Variants in TJP1 observed in about 807,000 individuals in gnomAD.
The protein encoded by TJP1 is tight junction protein 1.
A neutral mutation model predicts 194.2 loss-of-function variants in TJP1; 43 were observed. The ratio of observed to expected loss-of-function variants is 0.22; its 90% confidence interval spans 0.17 to 0.29. The LOEUF (loss-of-function observed/expected upper bound fraction) is 0.29, where lower values mean the gene tolerates loss of function less well. Among genes scored for constraint, TJP1 ranks in the 10% least tolerant of loss-of-function variants. The pLI is 1.00. For synonymous variants in TJP1, 801 were observed against 779.0 expected (o/e 1.03, Z -0.47); for missense variants, 1,971 against 2,185.7 (o/e 0.90, Z 1.96).
upstream of TJP1, among the ~76,000 whole-genome samples, chr15:29,827,423 G>A (rs966104227): frequency 6.6e-6 from 1 of 152,122 alleles, no homozygotes; most frequent in Non-Finnish European, 1.5e-5. Context: ...ATCCTCTAGG[G>A]CCCCAGGGCC....
chr15:29,833,877 ATATATTTT>A (rs1379832737), intron 2 of TJP1, among the ~76,000 whole-genome samples: 260 of 14,398 alleles, frequency 0.018, 4 homozygotes, highest in African/African-American at 0.055. Flanking sequence ...ATATATATAT[ATATATTTT>A]TTTTTTTTTT....
intron 2 of TJP1, among the ~76,000 whole-genome samples, chr15:29,913,189 CAA>C (rs540091792): frequency 2.9e-5 from 4 of 140,020 alleles, no homozygotes; most frequent in African/African-American, 7.8e-5. Context: ...AGGGGGATCA[CAA>C]AAAAAAAAGG....
chr15:29,962,546 C>G (rs72721180), intron 1 of TJP1, among the ~76,000 whole-genome samples: 30,376 of 152,180 alleles, frequency 0.2, 3,439 homozygotes, highest in East Asian at 0.39. Flanking sequence ...ACAGCCAACT[C>G]AAGAGAAGGC....
chr15:29,832,116 T>C (rs1400494050), intron 2 of TJP1, among the ~76,000 whole-genome samples: 1 of 152,160 alleles, frequency 6.6e-6, no homozygotes, highest in Non-Finnish European at 1.5e-5. Context: ...TGGAGTCTTT[T>C]CTTCCATCCC....
In TJP1 at chr15:29,766,351, G is replaced by C. The variant is rs1467182012; in HGVS notation, c.504C>G (p.Ser168=). 2 of 1,614,048 alleles carry C rather than the reference G, an allele frequency of 1.2e-6. No homozygotes were observed. The highest frequency in any genetic ancestry group is 2.7e-5 in the African/African-American group (2 of 74,922). ...DRSASRERSL[S]PRSDRRSVAS... is the part of the protein sequence containing the mutation. Reference sequence around the variant, plus strand: ...CCACTGACCGCCTGTCTGACCGCGGGGACAAGCTCCTCTCTCTACTTGCAC... The same window carrying C: ...CCACTGACCGCCTGTCTGACCGCGGCGACAAGCTCCTCTCTCTACTTGCAC... Residue 168 remains serine (S), a synonymous_variant, in exon 5 of 28, where the codon TCC becomes TCG. Coordinates refer to ENST00000614355, the MANE Select transcript of TJP1 (RefSeq NM_001330239.4).
At chr15:29,760,629 G>C (rs553182401) in intron 8 of TJP1, among the ~76,000 whole-genome samples, 1 of 151,980 alleles carries the variant, frequency 6.6e-6, no homozygotes, top group Non-Finnish European at 1.5e-5. Context: ...CGCCTGCCTC[G>C]GCCTCCCAAA....
At chr15:29,930,631 A>G (rs529997308) in intron 2 of TJP1, among the ~76,000 whole-genome samples, 59 of 85,288 alleles carry the variant, frequency 6.9e-4, no homozygotes, top group African/African-American at 3.0e-3. Flanking sequence ...ATACTTACTG[A>G]TGAGACATTA....
intron 8 of TJP1, among the ~76,000 whole-genome samples, chr15:29,746,309 C>A (rs975704505): frequency 6.6e-6 from 1 of 151,534 alleles, no homozygotes; most frequent in Non-Finnish European, 1.5e-5. Context: ...ACCCGGGAGG[C>A]GGAGCTTGCA....
intron 2 of TJP1, among the ~76,000 whole-genome samples, chr15:29,780,013 C>T (rs1305606044): frequency 1.3e-5 from 2 of 151,030 alleles, no homozygotes; most frequent in African/African-American, 4.9e-5. Context: ...AAAACCACCA[C>T]AAATTACAGG....
In TJP1 at chr15:29,726,929, C is replaced by T; in HGVS notation, c.2163G>A (p.Trp721Ter). 1 of 1,614,138 alleles carries T rather than the reference C, an allele frequency of 6.2e-7. No homozygotes were observed. Among genetic ancestry groups the T allele is most frequent in the Non-Finnish European group, 8.5e-7 (1 of 1,180,028 alleles). ...NAVDRLNYAQWYPIVVFLNPD... is the reference protein window; with the variant it reads ...NAVDRLNYAQ ...GGTTAAGAAATACAACAATTGGATA[C>T]CACTGGGCATAGTTAAGACGATCAA... Residue 721 changes from tryptophan (W) to a stop codon, truncating the protein, a stop_gained, in exon 17 of 28, where the codon TGG becomes TGA. Coordinates refer to ENST00000614355, the MANE Select transcript of TJP1 (RefSeq NM_001330239.4). LOFTEE classifies it high-confidence loss of function.
At chr15:29,961,706 CT>C (rs1175453476) in intron 1 of TJP1, among the ~76,000 whole-genome samples, 2 of 152,180 alleles carry the variant, frequency 1.3e-5, no homozygotes, top group Non-Finnish European at 2.9e-5. Context: ...CAGTCCCCCA[CT>C]TGATCTGCCC....
rs1368921649 is a variant in TJP1, at chr15:29,701,317, G to A, written c.*278C>T. 6.0e-6 allele frequency: 2 copies of A among 333,588 alleles called. No homozygotes were observed. The highest frequency in any genetic ancestry group is 4.1e-5 in the African/African-American group (2 of 48,652). 20.7% of individuals were successfully genotyped at this position (333,588 alleles called of 1,614,324 possible). A position where few individuals can be genotyped will look rare whatever the true frequency, so the allele number is the denominator to read the frequency against. Reference sequence around the variant, plus strand: ...AACGGAAATCAATATGTGAAGTTAAGCAGTGACGATAAAAAAATTACAAAA... The same window carrying A: ...AACGGAAATCAATATGTGAAGTTAAACAGTGACGATAAAAAAATTACAAAA... On this transcript the variant is annotated 3_prime_UTR_variant, in exon 28 of 28. Coordinates refer to ENST00000614355, the MANE Select transcript of TJP1 (RefSeq NM_001330239.4).
At chr15:29,830,638 G>C (rs954356058) in intron 2 of TJP1, among the ~76,000 whole-genome samples, 1 of 151,678 alleles carries the variant, frequency 6.6e-6, no homozygotes, top group Admixed American at 6.6e-5. Context: ...AATAAAAAAA[G>C]TTAAGATTTT....
chr15:29,704,417 T>C (rs1487128537), intron 26 of TJP1, 112 bp from the exon 27 acceptor site: 5 of 1,331,986 alleles, frequency 3.8e-6, no homozygotes, highest in African/African-American at 1.5e-5. Context: ...ATGGAGTTAG[T>C]TCTCTACAGT....
intron 10 of TJP1, among the ~76,000 whole-genome samples, chr15:29,739,732 A>C (rs1052465615): frequency 6.6e-6 from 1 of 152,092 alleles, no homozygotes; most frequent in African/African-American, 2.4e-5. Context: ...GGCATGAGCC[A>C]CTGCGCCCGG....
intron 18 of TJP1, among the ~76,000 whole-genome samples, chr15:29,724,613 G>T (rs1002274076): frequency 6.6e-6 from 1 of 152,194 alleles, no homozygotes; most frequent in African/African-American, 2.4e-5. Context: ...GTAAGACTGT[G>T]TCAGATCTTG....
intron 8 of TJP1, chr15:29,760,260 G>A: frequency 1.4e-6 from 1 of 702,228 alleles, no homozygotes; most frequent in East Asian, 2.7e-5. Flanking sequence ...ACATTTTTCT[G>A]GAGAGAAGGA....
At chr15:29,761,808 T>A (rs1281414901) in intron 6 of TJP1, 39 bp from the exon 7 acceptor site, 1 of 1,474,394 alleles carries the variant, frequency 6.8e-7, no homozygotes, top group Non-Finnish European at 9.1e-7. Context: ...AAGTAAATAA[T>A]AAAATACAAA....
rs369066202 is a variant in TJP1, at chr15:29,716,815, T to A, written c.3998A>T (p.Gln1333Leu). The change falls in exon 23 of 28, where the codon CAA becomes CTA. Residue 1333 changes from glutamine (Q) to leucine (L), a missense_variant. This residue lies in a region of TJP1 where 1,108 missense variants were observed against 1,128.5 expected (regional missense o/e 0.98). Coordinates refer to ENST00000614355, the MANE Select transcript of TJP1 (RefSeq NM_001330239.4). ...LYRIPEPQKP[Q>L]LKPPEDIVRS... ...AACAATATCTTCAGGTGGCTTCAGTTGAGGTTTTTGAGGTTCTGGGATCCT... is the reference window on the plus strand; with the variant it reads ...AACAATATCTTCAGGTGGCTTCAGTAGAGGTTTTTGAGGTTCTGGGATCCT... The A allele has an allele frequency of 2.4e-5, 39 of 1,602,154 alleles. No homozygotes were observed. The African/African-American group carries it at 4.4e-4, about 18-fold the overall frequency.
Sources: gnomAD v4.1 joint callset for allele counts (sites outside exome capture counted in the v4.1 genomes callset) on GRCh38, gnomAD v4.1.1 for gene constraint, gnomAD v4.1.1 regional missense constraint, MANE v1.5 for transcripts, NCBI Gene and HGNC (gene_info 2026-07-23, HGNC 2026-07-21) for gene names.